The following MKI67 variants were observed in gnomAD, a reference collection of about 807,000 sequenced individuals.
MKI67 encodes the protein marker of proliferation Ki-67.
MKI67 carries 152 observed loss-of-function variants against 233.5 expected under a neutral mutation model. That is an observed-to-expected ratio of 0.65 (90% CI 0.57 to 0.74). The LOEUF is 0.74. Ranked by LOEUF, MKI67 falls within the 30% of genes least tolerant of loss-of-function variation. MKI67 has a pLI of 0.00. For missense variants in MKI67, 3,940 were observed against 3,885.2 expected, an observed-to-expected ratio of 1.01 and a Z score of -0.37; for synonymous variants, 1,465 against 1,418.5, an observed-to-expected ratio of 1.03 and a Z score of -0.74.
rs1013774199 is a variant in MKI67 at position 128,118,719 on chromosome 10, A to G, written c.354+534T>C. ...CAATTATGTTTTCATAAGCTGTACA[A>G]TTGGAATACCTGTTCCACACTGATA... On this transcript the variant is annotated intron_variant, in intron 5 of 14. Coordinates refer to ENST00000368654, the MANE Select transcript of MKI67 (RefSeq NM_002417.5). 9.2e-5 allele frequency among the ~76,000 whole-genome samples: 14 copies of G among 152,372 alleles called. No individual in the cohort carries two copies. The South Asian group carries it at 1.4e-3, about 16-fold the overall frequency.
Position 128,112,118 on chromosome 10 carries a change from T to G in MKI67, c.1969+15A>C. On this transcript the variant is annotated intron_variant, in intron 9 of 14. Transcript: ENST00000368654. ...AAAATTCACCTTAATATATGTATTC[T>G]AATGTCAGACTAACCAATCAGATTT... 1 of 1,612,608 alleles carries G rather than the reference T, an allele frequency of 6.2e-7. No individual in the cohort carries two copies. Among genetic ancestry groups the G allele is most frequent in the Middle Eastern group, 1.7e-4 (1 of 6,060 alleles).
In MKI67 at chr10:128,104,704, C is replaced by G. The variant is rs150770106; in HGVS notation, c.7136G>C (p.Arg2379Pro). 4 of 1,613,944 alleles carry G rather than the reference C, an allele frequency of 2.5e-6. No individual in the cohort carries two copies. Among genetic ancestry groups the G allele is most frequent in the Non-Finnish European group, 3.4e-6 (4 of 1,180,014 alleles). Residue 2379 changes from arginine (R) to proline (P), a missense_variant, in exon 13 of 15, where the codon CGA becomes CCA. Physicochemically the swap from Arg to Pro is moderately radical, Grantham distance 103. Coordinates refer to ENST00000368654, the MANE Select transcript of MKI67 (RefSeq NM_002417.5). The stretch of plus-strand genomic sequence containing the variant: ...CATGGCTTTGCCTGCTGATGGTGTT[C>G]GTTTCCTGAGTGCTAAAAATTCTTC... Reference protein sequence around the residue: ...VEEEFLALRKRTPSAGKAMDT... With the variant: ...VEEEFLALRKPTPSAGKAMDT...
In MKI67 at chr10:128,122,773, T is replaced by C. The variant is rs543077973; in HGVS notation, c.287+108A>G. On this transcript the variant is annotated intron_variant, in intron 4 of 14. Coordinates refer to ENST00000368654, the MANE Select transcript of MKI67 (RefSeq NM_002417.5). The stretch of plus-strand genomic sequence containing the variant: ...TAGTGTTGAGAATGAAAACCTGAAA[T>C]ACTTTGACATCCATGAACATTAAAG... 6.0e-5 allele frequency: 33 copies of C among 549,234 alleles called. 1 individual carries two copies. The South Asian group carries it at 8.2e-4, about 14-fold the overall frequency. 34.0% of individuals were successfully genotyped at this position (549,234 alleles called of 1,614,324 possible).
intron 14 of MKI67, 137 bp from the exon 15 acceptor site, chr10:128,099,392 G>C: frequency 2.0e-6 from 1 of 492,934 alleles, no homozygotes; most frequent in South Asian, 4.6e-5. Flanking sequence ...TTTGAGGTTG[G>C]AAATAAGTTT....
chr10:128,105,290 G>T lies in MKI67; in HGVS notation c.6550C>A (p.Pro2184Thr). The T allele has an allele frequency of 1.2e-6, 2 of 1,614,112 alleles. No individual in the cohort carries two copies. The highest frequency in any genetic ancestry group is 1.7e-6 in the Non-Finnish European group (2 of 1,180,012). Reference sequence around the variant, plus strand: ...TCTAGGGGTTGGGCTTTTCCCTTAGGAGTTCTTGGCTGCCTCTTGCTACCA... The same window carrying T: ...TCTAGGGGTTGGGCTTTTCCCTTAGTAGTTCTTGGCTGCCTCTTGCTACCA... Reference protein sequence around the residue: ...VTGSKRQPRTPKGKAQPLEDL... With the variant: ...VTGSKRQPRTTKGKAQPLEDL... The change falls in exon 13 of 15, where the codon CCT becomes ACT. Residue 2184 changes from proline to threonine, a missense_variant. Coordinates refer to ENST00000368654, the MANE Select transcript of MKI67 (RefSeq NM_002417.5).
At chr10:128,110,327 T>C (rs374060611) in intron 12 of MKI67, 51 bp downstream of exon 12, 37 of 1,378,992 alleles carry the variant, frequency 2.7e-5, no homozygotes, top group Non-Finnish European at 3.5e-5. Context: ...AAAATAATAC[T>C]GTATGTTCCT....
In MKI67 at chr10:128,123,141, G is replaced by C. The variant is rs1852987295; in HGVS notation, c.121C>G (p.Leu41Val). Residue 41 changes from leucine to valine, a missense_variant, in exon 3 of 15, where the codon CTT (leucine) becomes GTT (valine). Transcript: ENST00000368654. Reference sequence around the variant, plus strand: ...CAATGTTGTTTTGACACAACAGGAAGCTGGATACGGATGTCACATTCAATA... The same window carrying C: ...CAATGTTGTTTTGACACAACAGGAACCTGGATACGGATGTCACATTCAATA... ...RGIECDIRIQ[L>V]PVVSKQHCKI... The C allele has an allele frequency of 1.2e-6, 2 of 1,613,822 alleles. No individual in the cohort carries two copies. The highest frequency in any genetic ancestry group is 1.7e-6 in the Non-Finnish European group (2 of 1,179,868).
At position 128,115,464 on chromosome 10, in the gene MKI67, T is replaced by C; in HGVS notation, c.944A>G (p.Gln315Arg). The C allele has an allele frequency of 6.2e-7, 1 of 1,613,764 alleles. No individual in the cohort carries two copies. The highest frequency in any genetic ancestry group is 1.1e-5 in the South Asian group (1 of 90,990). The change falls in exon 7 of 15, where the codon CAG becomes CGG. Residue 315 changes from glutamine to arginine, a missense_variant. Gln to Arg is a conservative substitution (Grantham distance 43, BLOSUM62 1). Transcript: ENST00000368654. ...CACGTCTCTTCCCTTCCCCTTGTTC[T>C]GGTCAAGCTCTTGTTCAGGTGAAGC... ...EPASPEQELD[Q>R]NKGKGRDVES...
rs1852274746 is a variant in MKI67, at chr10:128,099,023, C to T, written c.*167G>A. 7.3e-6 allele frequency: 4 copies of T among 547,776 alleles called. No homozygotes were observed. Among genetic ancestry groups the T allele is most frequent in the Non-Finnish European group, 1.3e-5 (4 of 312,194 alleles). 33.9% of individuals were successfully genotyped at this position (547,776 alleles called of 1,614,324 possible). On this transcript the variant is annotated 3_prime_UTR_variant, in exon 15 of 15. Coordinates refer to ENST00000368654, the MANE Select transcript of MKI67 (RefSeq NM_002417.5). ...CAGTCCAGGAGCCCAGCAGTGCTCC[C>T]AGTGGAGTTTATGAAGCCGATTCAG...
Position 128,106,818 on chromosome 10 carries a change from T to C in MKI67, c.5022A>G (p.Lys1674=). The change falls in exon 13 of 15, where the codon AAA becomes AAG. Residue 1674 remains lysine (K), a synonymous_variant. Coordinates refer to ENST00000368654, the MANE Select transcript of MKI67 (RefSeq NM_002417.5). The part of the protein sequence containing the change: ...TEPTGDGKSM[K]AFMESPKQIL... ...TCTGCTTTGGAGACTCCATAAATGC[T>C]TTCATGCTCTTACCATCTCCTGTTG... 1 of 1,614,072 alleles carries C rather than the reference T, an allele frequency of 6.2e-7. No homozygotes were observed. The highest frequency in any genetic ancestry group is 1.1e-5 in the South Asian group (1 of 91,078).
Position 128,123,059 on chromosome 10 carries a change from T to G in MKI67, c.171+32A>C, listed in dbSNP as rs144655333. The G allele has an allele frequency of 5.7e-5, 92 of 1,600,160 alleles. No homozygotes were observed. The African/African-American group carries it at 1.0e-3, about 18-fold the overall frequency. On this transcript the variant is annotated intron_variant, in intron 3 of 14. Transcript: ENST00000368654. ...ACAGATTAAAAGTGAACTAAAAAGC[T>G]TTAAAAGTAGATCTTCAAAAAACCC...
In MKI67 at chr10:128,105,009, T is replaced by C; in HGVS notation, c.6831A>G (p.Lys2277=). 1 of 1,613,570 alleles carries C rather than the reference T, an allele frequency of 6.2e-7. No individual in the cohort carries two copies. Among genetic ancestry groups the C allele is most frequent in the Non-Finnish European group, 8.5e-7 (1 of 1,179,930 alleles). The change falls in exon 13 of 15, where the codon AAA becomes AAG. Residue 2277 remains lysine, a synonymous_variant. Transcript: ENST00000368654. ...DTPKPAGGDE[K]DMKAFMGTPV... ...GAGTTCCCATAAATGCTTTCATGTC[T>C]TTCTCATCACCTCCTGCTGGTTTGG...
In MKI67 at chr10:128,105,203, G is replaced by T. The variant is rs1480739731; in HGVS notation, c.6637C>A (p.His2213Asn). The T allele has an allele frequency of 6.2e-7, 1 of 1,608,630 alleles. No individual in the cohort carries two copies. Among genetic ancestry groups the T allele is most frequent in the Non-Finnish European group, 8.5e-7 (1 of 1,178,430 alleles). ...CAGGCTATTTTGGTAGTTTTCTCATGAGTCGTGGGCTTGTCAGTGCATATT... is the reference window on the plus strand; with the variant it reads ...CAGGCTATTTTGGTAGTTTTCTCATTAGTCGTGGGCTTGTCAGTGCATATT... Reference protein sequence around the residue: ...TPICTDKPTTHEKTTKIACRS... With the variant: ...TPICTDKPTTNEKTTKIACRS... The change falls in exon 13 of 15, where the codon CAT becomes AAT. Residue 2213 changes from histidine (H) to asparagine (N), a missense_variant. His to Asn is a moderately conservative substitution (Grantham distance 68). Coordinates refer to ENST00000368654, the MANE Select transcript of MKI67 (RefSeq NM_002417.5).
At chr10:128,116,690 T>C (rs1852816779) in intron 5 of MKI67, among the ~76,000 whole-genome samples, 154 bp from the exon 6 acceptor site, 1 of 152,182 alleles carries the variant, frequency 6.6e-6, no homozygotes. Context: ...GCGGATCACT[T>C]GAGGTCAGGA....
Position 128,114,911 on chromosome 10 carries a change from C to T in MKI67, c.1480+17G>A, listed in dbSNP as rs1204483806. On this transcript the variant is annotated intron_variant, in intron 7 of 14. Transcript: ENST00000368654. ...TTCATCTTTTAGAAAAATAAATTTA[C>T]AATTAAATAAACTTACTAATGGAAT... 2.6e-6 allele frequency: 4 copies of T among 1,526,818 alleles called. No individual in the cohort carries two copies. The African/African-American group carries it at 4.2e-5, about 16-fold the overall frequency. 94.6% of individuals were successfully genotyped at this position (1,526,818 alleles called of 1,614,324 possible).
At position 128,098,419 on chromosome 10, in the gene MKI67, T is replaced by C. The variant is rs1258893532; in HGVS notation, c.*771A>G. 7 of 152,132 alleles carry C rather than the reference T, an allele frequency of 4.6e-5. No individual in the cohort carries two copies. The highest frequency in any genetic ancestry group is 4.6e-4 in the Admixed American group (7 of 15,268). The allele number at this position is 152,132 out of a possible 1,614,324, so 9.4% of individuals were successfully genotyped here. On this transcript the variant is annotated 3_prime_UTR_variant, in exon 15 of 15. Transcript: ENST00000368654. ...CCGAAGCTTTCAATGACAGGAAAGCTGGAGATTAGGAGCCAGTTTGAGGTC... is the reference window on the plus strand; with the variant it reads ...CCGAAGCTTTCAATGACAGGAAAGCCGGAGATTAGGAGCCAGTTTGAGGTC...
chr10:128,119,152 C>T, intron 5 of MKI67, 101 bp downstream of exon 5: 1 of 840,990 alleles, frequency 1.2e-6, no homozygotes, highest in South Asian at 1.5e-5. Flanking sequence ...ACAGTAACCA[C>T]CCTCTTTGTA....
rs1852561495 is a variant in MKI67 at position 128,108,049 on chromosome 10, C to T, written c.3791G>A (p.Ser1264Asn). 6.2e-7 allele frequency: 1 copy of T among 1,613,792 alleles called. No homozygotes were observed. Among genetic ancestry groups the T allele is most frequent in the African/African-American group, 1.3e-5 (1 of 74,884 alleles). ...ACTTCTCTTGGGTCGTTGCTTTGTG[C>T]TTGTTGGGGTGTCCACTGGGTCTGA... ...PQSDPVDTPT[S>N]TKQRPKRSIR... The change falls in exon 13 of 15, where the codon AGC becomes AAC. Residue 1264 changes from serine to asparagine, a missense_variant. Ser to Asn is a conservative substitution (Grantham distance 46). Transcript: ENST00000368654.
In MKI67 at chr10:128,125,566, CG is replaced by C. The variant is rs992282377; in HGVS notation, c.92+9del. 6.2e-7 allele frequency: 1 copy of C among 1,610,926 alleles called. No individual in the cohort carries two copies. Among genetic ancestry groups the C allele is most frequent in the African/African-American group, 1.3e-5 (1 of 74,806 alleles). The stretch of plus-strand genomic sequence containing the variant: ...CAGCTAAAACGTCCGCGCGCGCCCG[CG>C]GGGCTCACCTTCCAAACAAGCAGGT... On this transcript the variant is annotated intron_variant, in intron 2 of 14. Coordinates refer to ENST00000368654, the MANE Select transcript of MKI67 (RefSeq NM_002417.5). The surrounding 1 kb of genome is among the most constrained non-coding windows in gnomAD (Gnocchi z 5.3).
Sources: allele counts gnomAD v4.1 joint callset (sites outside exome capture counted in the v4.1 genomes callset), GRCh38; gene constraint gnomAD v4.1.1; non-coding constraint Gnocchi (gnomAD v3.1); transcripts MANE v1.5; gene names NCBI Gene and HGNC (gene_info 2026-07-23, HGNC 2026-07-21).